WWP2: variants seen among roughly 807,000 people sequenced by gnomAD.
WWP2 encodes NEDD4-like E3 ubiquitin-protein ligase WWP2.
WWP2 carries 57 observed loss-of-function variants against 121.0 expected under a neutral mutation model. The ratio of observed to expected loss-of-function variants is 0.47; its 90% CI spans 0.38 to 0.59. The LOEUF is 0.59. WWP2 is among the 20% of genes least tolerant of loss of function. WWP2 has a pLI of 0.00. For missense variants in WWP2, 962 were observed against 1,158.9 expected (o/e 0.83, Z 2.47); for synonymous variants, 449 against 441.3 (o/e 1.02, Z -0.22).
At chr16:69,938,868 TC>T (rs1334019588) in intron 21 of WWP2, among the ~76,000 whole-genome samples, 158 bp from the exon 22 acceptor site, 2 of 152,292 alleles carry the variant, frequency 1.3e-5, no homozygotes, top group African/African-American at 4.8e-5. Context: ...CAAAAGCACT[TC>T]TGGGGTTTCT....
chr16:69,892,936 A>C (rs2058051974), intron 8 of WWP2, among the ~76,000 whole-genome samples: 1 of 152,230 alleles, frequency 6.6e-6, no homozygotes, highest in African/African-American at 2.4e-5. Context: ...CAAATCCTTA[A>C]TAAGGCCTAA....
intron 21 of WWP2, among the ~76,000 whole-genome samples, chr16:69,938,034 G>T (rs185306810): frequency 6.6e-6 from 1 of 152,110 alleles, no homozygotes; most frequent in East Asian, 1.9e-4. Context: ...TCTTTTATAC[G>T]TATGGGTTTT....
At chr16:69,781,303 A>G (rs2055659129) in intron 1 of WWP2, among the ~76,000 whole-genome samples, 1 of 152,048 alleles carries the variant, frequency 6.6e-6, no homozygotes, top group Admixed American at 6.6e-5. Context: ...AAGGTATTGC[A>G]TAGGACGTCA....
intron 4 of WWP2, among the ~76,000 whole-genome samples, chr16:69,832,069 A>G (rs1045758115): frequency 6.6e-6 from 1 of 151,766 alleles, no homozygotes; most frequent in African/African-American, 2.4e-5. Context: ...GCTCAAGCGA[A>G]CCATCTGCCT....
intron 4 of WWP2, among the ~76,000 whole-genome samples, chr16:69,803,549 C>G (rs112275322): frequency 6.6e-6 from 1 of 152,076 alleles, no homozygotes; most frequent in East Asian, 1.9e-4. Flanking sequence ...ATTGGTTGTT[C>G]TATCTCTGAG....
In WWP2 at chr16:69,940,568, C is replaced by CCCA. The variant is rs1199715593; in HGVS notation, c.*628_*629insCCA. ...GCCAATGAAGGTTTGTCTAAGCTGC[C>CCCA]TGGGTATCCACGGGACAAAAACAGC... On this transcript the variant is annotated 3_prime_UTR_variant, in exon 24 of 24. Coordinates refer to ENST00000359154, the MANE Select transcript of WWP2 (RefSeq NM_001270454.2). The CCCA allele has an allele frequency of 1.3e-5, 2 of 152,482 alleles. No homozygotes were observed. Among genetic ancestry groups the CCCA allele is most frequent in the African/African-American group, 4.8e-5 (2 of 41,450 alleles). 9.4% of individuals were successfully genotyped at this position (152,482 alleles called of 1,614,324 possible). A position where few individuals can be genotyped will look rare whatever the true frequency, so the allele number is the denominator to read the frequency against.
intron 7 of WWP2, among the ~76,000 whole-genome samples, chr16:69,875,883 T>C (rs2057726446): frequency 6.6e-6 from 1 of 152,198 alleles, no homozygotes; most frequent in African/African-American, 2.4e-5. Flanking sequence ...TATGTTGACC[T>C]CCTCCCATGA....
intron 8 of WWP2, among the ~76,000 whole-genome samples, chr16:69,905,752 C>T (rs1597139716): frequency 1.3e-5 from 2 of 152,380 alleles, no homozygotes; most frequent in East Asian, 3.9e-4. Flanking sequence ...CCACCTGGCA[C>T]ATGGCCATGT....
Position 69,937,244 on chromosome 16 carries a change from T to C in WWP2, c.2238+6T>C. Reference sequence around the variant, plus strand: ...TTGACGAGAAAGAGCTGGAGGTGAGTGTCTGAGGTTGCTGGGACCCTGAGC... The same window carrying C: ...TTGACGAGAAAGAGCTGGAGGTGAGCGTCTGAGGTTGCTGGGACCCTGAGC... On this transcript the variant is annotated splice_donor_region_variant and intron_variant, in intron 20 of 23. Transcript: ENST00000359154. This position sits in a 1 kb window ranked among gnomAD's most constrained non-coding sequence, Gnocchi z 6.6. The C allele has an allele frequency of 1.2e-6, 2 of 1,611,896 alleles. No individual in the cohort carries two copies. Among genetic ancestry groups the C allele is most frequent in the Non-Finnish European group, 1.7e-6 (2 of 1,179,440 alleles).
chr16:69,799,314 G>T lies in WWP2; in HGVS notation c.340+19G>T. The T allele has an allele frequency of 6.2e-7, 1 of 1,607,032 alleles. No individual in the cohort carries two copies. The highest frequency in any genetic ancestry group is 8.5e-7 in the Non-Finnish European group (1 of 1,176,848). ...GGCAAAAGTACGTATGATGAAGGGG[G>T]TGCCGACGTGATTCTTGGGTGGGGA... On this transcript the variant is annotated intron_variant, in intron 4 of 23. Transcript: ENST00000359154. The surrounding 1 kb of genome is among the most constrained non-coding windows in gnomAD (Gnocchi z 4.5).
intron 6 of WWP2, among the ~76,000 whole-genome samples, chr16:69,852,335 G>A (rs2057231967): frequency 6.6e-6 from 1 of 151,878 alleles, no homozygotes; most frequent in African/African-American, 2.4e-5. Flanking sequence ...GGAGTGCAAT[G>A]GTGTGATCTC....
intron 8 of WWP2, among the ~76,000 whole-genome samples, chr16:69,905,842 G>A (rs950639824): frequency 9.9e-5 from 15 of 152,174 alleles, no homozygotes; most frequent in Admixed American, 2.6e-4. Flanking sequence ...AAACTCATGG[G>A]CTTGGGGGGC....
chr16:69,764,151 C>G (rs1597627068), intron 1 of WWP2, among the ~76,000 whole-genome samples: 1 of 152,202 alleles, frequency 6.6e-6, no homozygotes, highest in South Asian at 2.1e-4. Context: ...AGCCCAGACC[C>G]TTAATCCTTA....
At chr16:69,907,683 A>T (rs920434668) in intron 8 of WWP2, among the ~76,000 whole-genome samples, 8 of 152,158 alleles carry the variant, frequency 5.3e-5, no homozygotes, top group Admixed American at 4.6e-4. Flanking sequence ...TTTTGTACTG[A>T]TCGGGCTTGT....
intron 1 of WWP2, among the ~76,000 whole-genome samples, chr16:69,769,316 C>CAAAAA (rs1186524809): frequency 2.9e-4 from 22 of 76,374 alleles, no homozygotes; most frequent in South Asian, 4.4e-4. Flanking sequence ...GACTCCATCT[C>CAAAAA]AAAAAAAAAA....
intron 8 of WWP2, among the ~76,000 whole-genome samples, chr16:69,906,199 A>C (rs901670338): frequency 1.3e-5 from 2 of 151,742 alleles, no homozygotes; most frequent in Non-Finnish European, 2.9e-5. Context: ...CAGCCTCCCA[A>C]GTAGCTGGGA....
At chr16:69,787,114 T>C (rs768968920) in intron 2 of WWP2, 34 bp downstream of exon 2, 9 of 1,581,052 alleles carry the variant, frequency 5.7e-6, no homozygotes, top group Non-Finnish European at 7.7e-6. Flanking sequence ...TCATCTTGTC[T>C]ACGCCCAGGG....
In WWP2 at chr16:69,848,335, G is replaced by A. The variant is rs568765383; in HGVS notation, c.575+6215G>A. Among the ~76,000 whole-genome samples the A allele has an allele frequency of 2.1e-3, 322 of 152,042 alleles. 2 individuals are homozygous for A. Among genetic ancestry groups the A allele is most frequent in the African/African-American group, 7.4e-3 (305 of 41,496 alleles). ...CGTGGTGGCGCATGCCTGTAATCCCGGCTACGTGGGGAGCTGAGGCAGGAG... is the reference window on the plus strand; with the variant it reads ...CGTGGTGGCGCATGCCTGTAATCCCAGCTACGTGGGGAGCTGAGGCAGGAG... On this transcript the variant is annotated intron_variant, in intron 6 of 23. Transcript: ENST00000359154.
At chr16:69,846,853 T>C (rs2057090633) in intron 6 of WWP2, among the ~76,000 whole-genome samples, 1 of 152,106 alleles carries the variant, frequency 6.6e-6, no homozygotes, top group Admixed American at 6.6e-5. Flanking sequence ...ATGTTGTTTC[T>C]TTGCCTGGGT....
Sources: gnomAD v4.1 joint callset for allele counts (sites outside exome capture counted in the v4.1 genomes callset) on GRCh38, gnomAD v4.1.1 for gene constraint, Gnocchi (gnomAD v3.1) non-coding constraint, MANE v1.5 for transcripts, NCBI Gene and HGNC (gene_info 2026-07-23, HGNC 2026-07-21) for gene names.